The following UNC5C variants were observed in gnomAD, a reference collection of about 807,000 sequenced individuals.
UNC5C encodes the protein netrin receptor UNC5C.
In UNC5C, 47 loss-of-function variants were observed where a neutral mutation model predicts 99.8. That is an observed-to-expected ratio of 0.47 (90% CI 0.37 to 0.60). The LOEUF is 0.60. Among genes scored for constraint, UNC5C ranks in the 20% least tolerant of loss-of-function variants. The pLI is 0.00. For synonymous variants in UNC5C, 487 were observed against 452.2 expected (o/e 1.08, Z -0.98); for missense variants, 1,062 against 1,165.9 (o/e 0.91, Z 1.30).
chr4:95,513,173 C>A (rs545651507), intron 1 of UNC5C, among the ~76,000 whole-genome samples: 1 of 152,162 alleles, frequency 6.6e-6, no homozygotes, highest in Admixed American at 6.6e-5. Flanking sequence ...GATTACATCC[C>A]GGCATGTAAT....
chr4:95,451,686 A>G (rs1422009632), intron 1 of UNC5C, among the ~76,000 whole-genome samples: 2 of 152,208 alleles, frequency 1.3e-5, no homozygotes, highest in South Asian at 2.1e-4. Flanking sequence ...AAATTCTTCT[A>G]CAGACACTGT....
chr4:95,180,803 G>A (rs982296323), intron 14 of UNC5C, among the ~76,000 whole-genome samples: 3 of 152,146 alleles, frequency 2.0e-5, no homozygotes, highest in East Asian at 3.9e-4. Context: ...CATTGGAACG[G>A]GAACCCCAGC....
intron 1 of UNC5C, among the ~76,000 whole-genome samples, chr4:95,468,391 C>A: frequency 6.6e-6 from 1 of 152,090 alleles, no homozygotes; most frequent in East Asian, 1.9e-4. Flanking sequence ...GTTAGTTTCT[C>A]TGGCATGGTG....
chr4:95,311,295 A>G (rs141826690), intron 2 of UNC5C, among the ~76,000 whole-genome samples: 1 of 148,654 alleles, frequency 6.7e-6, no homozygotes, highest in Non-Finnish European at 1.5e-5. Context: ...TTTGGAATAT[A>G]AAAAAAACAA....
At chr4:95,412,945 C>A (rs1270311277) in intron 1 of UNC5C, among the ~76,000 whole-genome samples, 1 of 152,192 alleles carries the variant, frequency 6.6e-6, no homozygotes, top group Non-Finnish European at 1.5e-5. Context: ...TGAGTACTTA[C>A]TTTCCATCTA....
chr4:95,348,508 C>G (rs892395517), intron 1 of UNC5C, among the ~76,000 whole-genome samples: 1 of 151,272 alleles, frequency 6.6e-6, no homozygotes, highest in Non-Finnish European at 1.5e-5. Flanking sequence ...TTGAAAGCAA[C>G]CTGTGTCCAT....
chr4:95,411,331 C>A (rs1282527036), intron 1 of UNC5C, among the ~76,000 whole-genome samples: 3 of 152,174 alleles, frequency 2.0e-5, no homozygotes, highest in African/African-American at 7.2e-5. Flanking sequence ...CTGTAAGTCA[C>A]TCAGCCTATC....
chr4:95,217,132 T>A (rs937541015), intron 9 of UNC5C, among the ~76,000 whole-genome samples: 1 of 152,242 alleles, frequency 6.6e-6, no homozygotes. Context: ...GTGAGTACAG[T>A]GTTTGACACT....
At chr4:95,453,796 C>T (rs527345202) in intron 1 of UNC5C, among the ~76,000 whole-genome samples, 1 of 152,204 alleles carries the variant, frequency 6.6e-6, no homozygotes, top group South Asian at 2.1e-4. Flanking sequence ...TATGGTGAGA[C>T]TTTACCATCT....
chr4:95,391,912 A>G (rs549933605), intron 1 of UNC5C, among the ~76,000 whole-genome samples: 1 of 152,216 alleles, frequency 6.6e-6, no homozygotes, highest in South Asian at 2.1e-4. Flanking sequence ...CCCCAGCTCT[A>G]GCTGACCCCT....
intron 2 of UNC5C, among the ~76,000 whole-genome samples, chr4:95,317,434 G>A (rs1373589331): frequency 2.0e-5 from 3 of 152,040 alleles, no homozygotes; most frequent in Admixed American, 6.5e-5. Flanking sequence ...ATAAGTGTGT[G>A]CGTGTGTGTG....
chr4:95,535,734 T>C (rs1323384620), intron 1 of UNC5C, among the ~76,000 whole-genome samples: 1 of 152,190 alleles, frequency 6.6e-6, no homozygotes, highest in African/African-American at 2.4e-5. Flanking sequence ...TATTTGGTTG[T>C]ACATCTTAAT....
rs770242295 is a variant in UNC5C, at chr4:95,169,312, C to G, written c.2718G>C (p.Leu906=). 2 of 1,614,232 alleles carry G rather than the reference C, an allele frequency of 1.2e-6. No individual in the cohort carries two copies. The highest frequency in any genetic ancestry group is 1.7e-6 in the Non-Finnish European group (2 of 1,180,056). Residue 906 remains leucine (L), a synonymous_variant, in exon 16 of 16, where the codon CTG becomes CTC. Coordinates refer to ENST00000453304, the MANE Select transcript of UNC5C (RefSeq NM_003728.4). ...WEAQNFPDGN[L]SMLAAVLEEM... ...CTTCCAAGACAGCTGCCAGCATGCT[C>G]AGGTTTCCATCTGGGAAGTTCTGTG...
chr4:95,248,658 T>TC (rs1304513306), intron 5 of UNC5C: 1 of 437,336 alleles, frequency 2.3e-6, no homozygotes, highest in East Asian at 7.1e-5. Flanking sequence ...TGGCATATTT[T>TC]GGGGTGACAA....
intron 1 of UNC5C, among the ~76,000 whole-genome samples, chr4:95,529,938 G>A (rs975300671): frequency 4.6e-5 from 7 of 152,038 alleles, no homozygotes; most frequent in African/African-American, 9.7e-5. Flanking sequence ...TTAATCCACC[G>A]AAGTTTAGGT....
At position 95,253,525 on chromosome 4, in the gene UNC5C, G is replaced by A. The variant is rs59253213; in HGVS notation, c.595-2858C>T. 4.2e-3 allele frequency among the ~76,000 whole-genome samples: 640 copies of A among 152,278 alleles called. 23 individuals carry two copies. In the East Asian group the frequency reaches 0.077, roughly 18 times the overall value. On this transcript the variant is annotated intron_variant, in intron 4 of 15. Coordinates refer to ENST00000453304, the MANE Select transcript of UNC5C (RefSeq NM_003728.4). ...TCAGGACCCCTGAGAAGCCCCAGCA[G>A]TGTTTGACGACCCCTGTGGGGGACA...
intron 4 of UNC5C, among the ~76,000 whole-genome samples, chr4:95,265,441 C>T (rs918257123): frequency 2.6e-5 from 4 of 152,102 alleles, no homozygotes; most frequent in African/African-American, 9.7e-5. Context: ...TTAATGGATG[C>T]TGGAGTTGAA....
At chr4:95,198,944 C>A (rs1213786950) in intron 12 of UNC5C, among the ~76,000 whole-genome samples, 3 of 152,128 alleles carry the variant, frequency 2.0e-5, no homozygotes, top group African/African-American at 7.2e-5. Context: ...AATAGAATAA[C>A]CCAGGGAGTA....
At chr4:95,536,149 C>T (rs1722778537) in intron 1 of UNC5C, among the ~76,000 whole-genome samples, 1 of 150,646 alleles carries the variant, frequency 6.6e-6, no homozygotes, top group Non-Finnish European at 1.5e-5. Flanking sequence ...ACGATCTCTG[C>T]TTACTGCAAC....
Sources: allele counts gnomAD v4.1 joint callset (sites outside exome capture counted in the v4.1 genomes callset), GRCh38; gene constraint gnomAD v4.1.1; transcripts MANE v1.5; gene names NCBI Gene and HGNC (gene_info 2026-07-23, HGNC 2026-07-21).